The following MTAP variants were observed in gnomAD, a reference collection of about 807,000 sequenced individuals.
MTAP encodes S-methyl-5'-thioadenosine phosphorylase.
MTAP carries 33 observed loss-of-function variants against 33.6 expected under a neutral mutation model. The ratio of observed to expected loss-of-function variants is 0.98; its 90% CI spans 0.74 to 1.31. MTAP has a LOEUF of 1.31. MTAP is among the 40% of genes most tolerant of loss of function. The pLI, the probability that MTAP is intolerant of heterozygous loss-of-function variation, is 0.00. For missense variants in MTAP, 367 were observed against 360.0 expected (o/e 1.02, Z -0.16); for synonymous variants, 148 against 125.7 (o/e 1.18, Z -1.19).
chr9:21,867,320 C>T (rs534657916), downstream of MTAP, among the ~76,000 whole-genome samples: 136 of 152,188 alleles, frequency 8.9e-4, no homozygotes, highest in Non-Finnish European at 6.0e-4. Context: ...TAGGTTTTTT[C>T]CGTTTCATGT....
chr9:21,877,095 C>A (rs180757513), intron 1 of MTAP, among the ~76,000 whole-genome samples: 1 of 152,024 alleles, frequency 6.6e-6, no homozygotes, highest in Admixed American at 6.6e-5. Flanking sequence ...ACCTGTATTC[C>A]TAGGTATTTT....
intron 1 of MTAP, among the ~76,000 whole-genome samples, chr9:21,887,447 T>C (rs561664763): frequency 9.9e-4 from 151 of 152,292 alleles, no homozygotes; most frequent in African/African-American, 3.4e-3. Flanking sequence ...GAACTCATCA[T>C]TTTTTATGGC....
intron 1 of MTAP, chr9:21,892,448 CAGAG>C (rs1240786190): frequency 3.9e-5 from 6 of 152,014 alleles, no homozygotes; most frequent in Non-Finnish European, 7.4e-5. Flanking sequence ...AAAGGAAAAA[CAGAG>C]AGAAGAGTAG....
chr9:21,802,940 G>C, intron 1 of MTAP, 159 bp downstream of exon 1: 1 of 1,412,002 alleles, frequency 7.1e-7, no homozygotes, highest in South Asian at 1.5e-5. Context: ...CACTTGCCGC[G>C]CGAGGAGAGG....
intron 1 of MTAP, among the ~76,000 whole-genome samples, chr9:21,872,379 A>C (rs928074740): frequency 6.6e-6 from 1 of 151,924 alleles, no homozygotes; most frequent in African/African-American, 2.4e-5. Context: ...TAAAACCAAT[A>C]TTTTTTTTAA....
intron 1 of MTAP, among the ~76,000 whole-genome samples, chr9:21,913,133 C>T (rs1355231821): frequency 2.0e-5 from 3 of 152,196 alleles, no homozygotes; most frequent in African/African-American, 7.2e-5. Flanking sequence ...TAAAAGAGGA[C>T]ACAAACAAAT....
At chr9:21,914,048 C>G (rs928979455) in intron 1 of MTAP, among the ~76,000 whole-genome samples, 4 of 152,184 alleles carry the variant, frequency 2.6e-5, no homozygotes, top group Non-Finnish European at 5.9e-5. Context: ...CATCACTGGC[C>G]ATCAGAGAAA....
At chr9:21,907,186 A>AACTTATATTAGGT (rs1401231544) in intron 1 of MTAP, among the ~76,000 whole-genome samples, 3 of 152,222 alleles carry the variant, frequency 2.0e-5, no homozygotes, top group Non-Finnish European at 4.4e-5. Flanking sequence ...AGTAGTGTTT[A>AACTTATATTAGGT]ACTTATATTA....
chr9:21,860,292 T>G (rs1407310547), intron 7 of MTAP: 1 of 152,218 alleles, frequency 6.6e-6, no homozygotes, highest in African/African-American at 2.4e-5. Flanking sequence ...GTGGTACAAG[T>G]GCTCCAGTAC....
intron 1 of MTAP, among the ~76,000 whole-genome samples, chr9:21,896,065 C>T (rs1009284958): frequency 7.9e-5 from 12 of 152,198 alleles, no homozygotes; most frequent in African/African-American, 2.9e-4. Context: ...AACTGTCTCT[C>T]AGACCACAGT....
At chr9:21,899,580 G>A (rs1818355116) in intron 1 of MTAP, among the ~76,000 whole-genome samples, 1 of 152,132 alleles carries the variant, frequency 6.6e-6, no homozygotes, top group African/African-American at 2.4e-5. Flanking sequence ...TGAACGGGAA[G>A]CAAGACACCT....
At chr9:21,893,102 A>C (rs996737333) in intron 1 of MTAP, 1 of 152,214 alleles carries the variant, frequency 6.6e-6, no homozygotes, top group African/African-American at 2.4e-5. Context: ...ACATACCAGA[A>C]TCTCTGGGAC....
At chr9:21,853,743 T>C (rs1018516688) in intron 5 of MTAP, among the ~76,000 whole-genome samples, 1 of 152,238 alleles carries the variant, frequency 6.6e-6, no homozygotes, top group Non-Finnish European at 1.5e-5. Flanking sequence ...TATACCTTAG[T>C]TCATTTAATC....
At chr9:21,868,002 A>G (rs1563853886), downstream of MTAP, among the ~76,000 whole-genome samples, 1 of 152,216 alleles carries the variant, frequency 6.6e-6, no homozygotes, top group Non-Finnish European at 1.5e-5. Context: ...GGGGAAATCA[A>G]AAATACATAG....
In MTAP at chr9:21,805,939, C is replaced by T. The variant is rs1024844612; in HGVS notation, c.33+3158C>T. Among the ~76,000 whole-genome samples, 5 of 152,046 alleles carry T rather than the reference C, an allele frequency of 3.3e-5. No individual in the cohort carries two copies. The South Asian group carries it at 6.2e-4, about 19-fold the overall frequency. On this transcript the variant is annotated intron_variant, in intron 1 of 7. Coordinates refer to ENST00000644715, the MANE Select transcript of MTAP (RefSeq NM_002451.4). ...GAGGAGAGAGATGGGGGTAGGAGAG[C>T]GAAAACCAAGATGTCGCAGAAGTGA...
intron 1 of MTAP, among the ~76,000 whole-genome samples, chr9:21,928,476 G>T (rs1054172176): frequency 6.6e-6 from 1 of 152,070 alleles, no homozygotes; most frequent in East Asian, 1.9e-4. Context: ...GGTCTGTGTA[G>T]GTACCTTCAC....
intron 1 of MTAP, among the ~76,000 whole-genome samples, chr9:21,912,785 C>A (rs1427122019): frequency 2.0e-5 from 3 of 152,132 alleles, no homozygotes; most frequent in Admixed American, 1.3e-4. Flanking sequence ...CTGGCCAGGG[C>A]AATCAGGCAG....
intron 1 of MTAP, among the ~76,000 whole-genome samples, chr9:21,919,075 A>G (rs1055783802): frequency 1.3e-5 from 2 of 152,220 alleles, no homozygotes; most frequent in South Asian, 2.1e-4. Context: ...TCAATTTAGC[A>G]ATATAAATAT....
chr9:21,840,641 C>G (rs1345214433), intron 5 of MTAP, among the ~76,000 whole-genome samples: 1 of 152,206 alleles, frequency 6.6e-6, no homozygotes, highest in African/African-American at 2.4e-5. Flanking sequence ...GACTATATCT[C>G]ACAGTGGCCC....
Sources: allele counts gnomAD v4.1 joint callset (sites outside exome capture counted in the v4.1 genomes callset), GRCh38; gene constraint gnomAD v4.1.1; transcripts MANE v1.5; gene names NCBI Gene and HGNC (gene_info 2026-07-23, HGNC 2026-07-21).